The following FSTL5 variants were observed in gnomAD, a reference collection of about 807,000 sequenced individuals.
The protein encoded by FSTL5 is follistatin like 5, also known as follistatin-related protein 5.
Under a neutral mutation model 89.1 loss-of-function variants are expected in FSTL5, and 62 were observed. The ratio of observed to expected loss-of-function variants is 0.70; its 90% CI spans 0.57 to 0.86. The LOEUF (loss-of-function observed/expected upper bound fraction) is 0.86. Among genes scored for constraint, FSTL5 ranks in the 40% least tolerant of loss-of-function variants. FSTL5 has a pLI of 0.00. For missense variants in FSTL5, 1,057 were observed against 1,001.6 expected (o/e 1.06, Z -0.75); for synonymous variants, 383 against 346.2 (o/e 1.11, Z -1.18).
At chr4:162,110,790 C>T (rs1472581399) in intron 2 of FSTL5, among the ~76,000 whole-genome samples, 2 of 151,352 alleles carry the variant, frequency 1.3e-5, no homozygotes, top group Admixed American at 6.6e-5. Context: ...ATTAGAAAAC[C>T]CCATATTGTG....
At chr4:161,609,815 C>T (rs892361182) in intron 7 of FSTL5, among the ~76,000 whole-genome samples, 1 of 152,094 alleles carries the variant, frequency 6.6e-6, no homozygotes, top group Non-Finnish European at 1.5e-5. Context: ...CTACAGTAAA[C>T]AAACCTGTCC....
rs181330629 is a variant in FSTL5, at chr4:161,873,567, C to T, written c.409+46837G>A. Among the ~76,000 whole-genome samples, 227 of 145,376 alleles carry T rather than the reference C, an allele frequency of 1.6e-3. 1 individual carries two copies. The highest frequency in any genetic ancestry group is 5.4e-3 in the African/African-American group (212 of 39,184). On this transcript the variant is annotated intron_variant, in intron 4 of 15. Transcript: ENST00000306100. ...TCCTTCCTTCCCTTCCTCTCTTCCTCCATTTTTCCCATAATAAAAGATATT... is the reference window on the plus strand; with the variant it reads ...TCCTTCCTTCCCTTCCTCTCTTCCTTCATTTTTCCCATAATAAAAGATATT...
At chr4:161,945,686 A>T (rs1734715364) in intron 3 of FSTL5, among the ~76,000 whole-genome samples, 2 of 152,136 alleles carry the variant, frequency 1.3e-5, no homozygotes, top group African/African-American at 4.8e-5. Flanking sequence ...TGGAAGGTGG[A>T]GGTTGCAGTG....
At chr4:161,790,195 G>A (rs1172805395) in intron 4 of FSTL5, among the ~76,000 whole-genome samples, 3 of 152,166 alleles carry the variant, frequency 2.0e-5, no homozygotes, top group Admixed American at 6.5e-5. Flanking sequence ...AAGACACAAT[G>A]TTTTGATTGT....
chr4:161,561,698 A>C lies in FSTL5; in HGVS notation c.1016-19005T>G, dbSNP rs1198722168. The stretch of plus-strand genomic sequence containing the variant: ...AGTATGTTTTCATTAGTGTGAAGAA[A>C]AAGCAAAAAATAATAGTAGCTTGTA... On this transcript the variant is annotated intron_variant, in intron 8 of 15. Coordinates refer to ENST00000306100, the MANE Select transcript of FSTL5 (RefSeq NM_020116.5). 5.9e-5 allele frequency among the ~76,000 whole-genome samples: 9 copies of C among 152,060 alleles called. No homozygotes were observed. In the South Asian group the frequency reaches 1.2e-3, roughly 21 times the overall value.
intron 6 of FSTL5, among the ~76,000 whole-genome samples, chr4:161,741,681 ATTTTTTT>A (rs367947098): frequency 4.8e-5 from 5 of 104,668 alleles, no homozygotes; most frequent in African/African-American, 1.6e-4. Flanking sequence ...GAGAAGTATG[ATTTTTTT>A]TTTTTTTTTT....
chr4:161,410,359 C>T (rs1731543720), intron 15 of FSTL5, among the ~76,000 whole-genome samples: 1 of 152,178 alleles, frequency 6.6e-6, no homozygotes, highest in Non-Finnish European at 1.5e-5. Context: ...TTTACCTTGA[C>T]ACTTGACCAA....
intron 7 of FSTL5, among the ~76,000 whole-genome samples, chr4:161,626,116 G>A (rs1735307519): frequency 6.6e-6 from 1 of 152,132 alleles, no homozygotes; most frequent in South Asian, 2.1e-4. Flanking sequence ...AAGTTATCCA[G>A]AAGAGCTAGC....
At chr4:161,913,241 A>G (rs146510812) in intron 4 of FSTL5, among the ~76,000 whole-genome samples, 6,801 of 152,196 alleles carry the variant, frequency 0.045, 188 homozygotes, top group Non-Finnish European at 0.067. Context: ...ACCATGGGGA[A>G]AATGTCTCCA....
intron 4 of FSTL5, among the ~76,000 whole-genome samples, chr4:161,874,303 A>G (rs1732370062): frequency 6.6e-6 from 1 of 151,882 alleles, no homozygotes; most frequent in Admixed American, 6.6e-5. Context: ...ACATTAATCT[A>G]CCTATTAATA....
intron 1 of FSTL5, among the ~76,000 whole-genome samples, chr4:162,158,039 T>A (rs1422072309): frequency 1.3e-5 from 2 of 152,146 alleles, no homozygotes; most frequent in Non-Finnish European, 2.9e-5. Context: ...ATCATTTGTT[T>A]TGATTATTTT....
intron 1 of FSTL5, among the ~76,000 whole-genome samples, chr4:162,115,340 T>C (rs1731597045): frequency 6.6e-6 from 1 of 152,202 alleles, no homozygotes. Flanking sequence ...AATCCAAATA[T>C]ATCATTATTA....
In FSTL5 at chr4:161,871,201, A is replaced by G; in HGVS notation, c.409+49203T>C. ...TAAAGAATTTGTATAACATGCCATT[A>G]ACACAGATTACTGAAATTAATAGTT... On this transcript the variant is annotated intron_variant, in intron 4 of 15. Transcript: ENST00000306100. 1.3e-5 allele frequency among the ~76,000 whole-genome samples: 2 copies of G among 152,142 alleles called. 1 individual carries two copies. The highest frequency in any genetic ancestry group is 3.8e-4 in the East Asian group (2 of 5,196).
chr4:161,699,046 A>AG, intron 6 of FSTL5, among the ~76,000 whole-genome samples: 1 of 152,308 alleles, frequency 6.6e-6, no homozygotes, highest in East Asian at 1.9e-4. Context: ...CATGAGGCAT[A>AG]GAAAAATGAA....
intron 3 of FSTL5, among the ~76,000 whole-genome samples, chr4:162,023,258 G>T (rs574788304): frequency 6.6e-6 from 1 of 152,118 alleles, no homozygotes; most frequent in African/African-American, 2.4e-5. Context: ...TTGTTCAGTA[G>T]TGTATCTCCA....
At chr4:161,544,169 T>C (rs1417222149) in intron 8 of FSTL5, among the ~76,000 whole-genome samples, 1 of 151,784 alleles carries the variant, frequency 6.6e-6, no homozygotes, top group East Asian at 1.9e-4. Context: ...GAAATGCAAA[T>C]CAAAACCACT....
Position 161,779,812 on chromosome 4 carries a change from TATATATATA to T in FSTL5, c.410-3747_410-3739del, listed in dbSNP as rs1560841078. ...ATATATATATATATATATATATATG[TATATATATA>T]TATATATATATATATGTATATAAAA... On this transcript the variant is annotated intron_variant, in intron 4 of 15. Coordinates refer to ENST00000306100, the MANE Select transcript of FSTL5 (RefSeq NM_020116.5). 1.1e-3 allele frequency among the ~76,000 whole-genome samples: 96 copies of T among 84,178 alleles called. 4 individuals are homozygous for T. Among genetic ancestry groups the T allele is most frequent in the African/African-American group, 3.8e-3 (86 of 22,866 alleles). The allele number at this position is 84,178 out of a possible 152,430, so 55.2% of individuals were successfully genotyped here.
intron 5 of FSTL5, among the ~76,000 whole-genome samples, chr4:161,760,025 C>T (rs1740731105): frequency 6.6e-6 from 1 of 151,994 alleles, no homozygotes; most frequent in Non-Finnish European, 1.5e-5. Flanking sequence ...TGCCTGAACT[C>T]CTCCCCAGCT....
intron 2 of FSTL5, among the ~76,000 whole-genome samples, chr4:162,056,261 T>C (rs1282709264): frequency 6.6e-6 from 1 of 152,038 alleles, no homozygotes; most frequent in Non-Finnish European, 1.5e-5. Context: ...CATATATGAA[T>C]GGGACCAAGA....
Sources: allele counts gnomAD v4.1 joint callset (sites outside exome capture counted in the v4.1 genomes callset), GRCh38; gene constraint gnomAD v4.1.1; transcripts MANE v1.5; gene names NCBI Gene and HGNC (gene_info 2026-07-23, HGNC 2026-07-21).